AUTS2: variants seen among roughly 807,000 people sequenced by gnomAD.
AUTS2 encodes autism susceptibility gene 2 protein.
A neutral mutation model predicts 112.4 loss-of-function variants in AUTS2; 17 were observed. The observed-to-expected ratio is 0.15, with a 90% CI of 0.10 to 0.23. AUTS2 has a LOEUF of 0.23. Among genes scored for constraint, AUTS2 ranks in the 10% least tolerant of loss-of-function variants. The pLI is 1.00. For missense variants in AUTS2, 1,510 were observed against 1,701.6 expected (o/e 0.89, Z 1.98); for synonymous variants, 751 against 702.7 (o/e 1.07, Z -1.09).
chr7:69,997,635 T>C (rs1799006383), intron 2 of AUTS2, among the ~76,000 whole-genome samples: 1 of 152,166 alleles, frequency 6.6e-6, no homozygotes. Flanking sequence ...GGATCCAATG[T>C]GTCAGAAGGA....
At chr7:69,666,897 A>G (rs1249729570) in intron 1 of AUTS2, among the ~76,000 whole-genome samples, 1 of 152,114 alleles carries the variant, frequency 6.6e-6, no homozygotes, top group Admixed American at 6.5e-5. Flanking sequence ...GTGAGACTCT[A>G]TCCCCAAAAA....
At chr7:70,730,709 G>A (rs538194823) in intron 6 of AUTS2, among the ~76,000 whole-genome samples, 4 of 152,114 alleles carry the variant, frequency 2.6e-5, no homozygotes, top group Non-Finnish European at 4.4e-5. Context: ...TAATGCTGCC[G>A]TGAACATTCA....
chr7:70,654,067 T>A (rs145632246), intron 5 of AUTS2, among the ~76,000 whole-genome samples: 27 of 152,318 alleles, frequency 1.8e-4, no homozygotes, highest in African/African-American at 6.5e-4. Flanking sequence ...AAATTGTATG[T>A]TAATCCACAG....
intron 5 of AUTS2, among the ~76,000 whole-genome samples, chr7:70,527,226 A>G (rs1045035336): frequency 6.6e-6 from 1 of 152,240 alleles, no homozygotes; most frequent in African/African-American, 2.4e-5. Flanking sequence ...AGCATACTCC[A>G]GAATGACTAG....
intron 5 of AUTS2, among the ~76,000 whole-genome samples, chr7:70,697,560 T>TCCCCCC (rs10636908): frequency 7.8e-6 from 1 of 127,720 alleles, no homozygotes; most frequent in Non-Finnish European, 1.6e-5. Context: ...ACTTCAGAAT[T>TCCCCCC]CCCCCCCCCC....
chr7:69,962,828 G>A (rs1015743150), intron 2 of AUTS2, among the ~76,000 whole-genome samples: 3 of 152,138 alleles, frequency 2.0e-5, no homozygotes, highest in African/African-American at 7.2e-5. Flanking sequence ...AGAAAAGCAC[G>A]TACAAAGGGT....
At chr7:69,794,336 A>G (rs1389946747) in intron 1 of AUTS2, among the ~76,000 whole-genome samples, 3 of 152,142 alleles carry the variant, frequency 2.0e-5, no homozygotes, top group Admixed American at 6.5e-5. Flanking sequence ...GTAGGAAGGT[A>G]TTGGTGTTAG....
chr7:69,970,857 C>G (rs1227971484), intron 2 of AUTS2, among the ~76,000 whole-genome samples: 2 of 152,040 alleles, frequency 1.3e-5, no homozygotes, highest in African/African-American at 2.4e-5. Context: ...ATTTTTCTAT[C>G]CAGAATCCCT....
At chr7:69,836,016 G>A (rs1791706928) in intron 1 of AUTS2, among the ~76,000 whole-genome samples, 1 of 152,186 alleles carries the variant, frequency 6.6e-6, no homozygotes, top group South Asian at 2.1e-4. Context: ...GAGGGACTCA[G>A]CAGAAGCCAC....
At chr7:70,658,286 G>A (rs553124357) in intron 5 of AUTS2, among the ~76,000 whole-genome samples, 3 of 152,350 alleles carry the variant, frequency 2.0e-5, no homozygotes, top group African/African-American at 7.2e-5. Flanking sequence ...CTGGGGAACT[G>A]TCTAGGGCAC....
At chr7:69,656,320 G>C (rs1457103757) in intron 1 of AUTS2, among the ~76,000 whole-genome samples, 1 of 152,176 alleles carries the variant, frequency 6.6e-6, no homozygotes, top group South Asian at 2.1e-4. Context: ...GTGAATTCTC[G>C]AGTGGTATTA....
chr7:70,626,507 T>G (rs1437807090), intron 5 of AUTS2, among the ~76,000 whole-genome samples: 1 of 152,058 alleles, frequency 6.6e-6, no homozygotes, highest in African/African-American at 2.4e-5. Context: ...ATAACTCACT[T>G]TTTAAAAAAT....
At chr7:70,728,171 TA>T (rs34206015) in intron 6 of AUTS2, among the ~76,000 whole-genome samples, 34,797 of 152,032 alleles carry the variant, frequency 0.23, 4,848 homozygotes, top group East Asian at 0.58. Flanking sequence ...TAGAAACAAA[TA>T]AAAAAATTGT....
intron 4 of AUTS2, among the ~76,000 whole-genome samples, chr7:70,361,578 C>T (rs963840529): frequency 3.3e-5 from 5 of 152,238 alleles, no homozygotes; most frequent in Non-Finnish European, 5.9e-5. Context: ...GATGCCTTTA[C>T]GCTTCCTAGA....
intron 6 of AUTS2, among the ~76,000 whole-genome samples, chr7:70,709,125 G>A (rs1301738536): frequency 6.6e-6 from 1 of 151,564 alleles, no homozygotes; most frequent in Non-Finnish European, 1.5e-5. Flanking sequence ...CACCATGTTG[G>A]CCAGGCTGGT....
chr7:69,819,313 C>G (rs536193451), intron 1 of AUTS2, among the ~76,000 whole-genome samples: 2 of 152,260 alleles, frequency 1.3e-5, no homozygotes, highest in South Asian at 4.1e-4. Flanking sequence ...CAAAACAGGC[C>G]TGAGGAAATG....
intron 1 of AUTS2, among the ~76,000 whole-genome samples, chr7:69,770,516 G>T (rs1206270365): frequency 1.3e-5 from 2 of 151,984 alleles, no homozygotes; most frequent in Non-Finnish European, 2.9e-5. Context: ...GCTCCAGCTG[G>T]AGCCAATTGG....
intron 1 of AUTS2, among the ~76,000 whole-genome samples, chr7:69,716,713 A>G (rs752387123): frequency 6.6e-6 from 1 of 152,084 alleles, no homozygotes; most frequent in Non-Finnish European, 1.5e-5. Context: ...TCAGACACCA[A>G]TTGCAAGTTC....
intron 2 of AUTS2, among the ~76,000 whole-genome samples, chr7:69,975,541 GTTGTTTTGTTTGT>G (rs1015855698): frequency 1.3e-5 from 2 of 151,428 alleles, no homozygotes; most frequent in African/African-American, 4.9e-5. Flanking sequence ...GTTTTTTGTT[GTTGTTTTGTTTGT>G]TTGTTTTGTT....
Sources: allele counts gnomAD v4.1 joint callset (sites outside exome capture counted in the v4.1 genomes callset), GRCh38; gene constraint gnomAD v4.1.1; transcripts MANE v1.5; gene names NCBI Gene and HGNC (gene_info 2026-07-23, HGNC 2026-07-21).